The following PTPRK variants were observed in gnomAD, a reference collection of about 807,000 sequenced individuals.
PTPRK encodes the protein protein tyrosine phosphatase receptor type K.
A neutral mutation model predicts 178.0 loss-of-function variants in PTPRK; 75 were observed. That is an observed-to-expected ratio of 0.42 (90% CI 0.35 to 0.51). The LOEUF is 0.51. PTPRK is among the 20% of genes least tolerant of loss of function. The probability of loss-of-function intolerance (pLI) is 0.02; values close to 1 mark genes in which losing one functional copy is unlikely to be tolerated. For synonymous variants in PTPRK, 637 were observed against 620.6 expected, an observed-to-expected ratio of 1.03 and a Z score of -0.39; for missense variants, 1,441 against 1,797.8, an observed-to-expected ratio of 0.80 and a Z score of 3.59.
At chr6:128,046,950 A>G (rs1778124871) in intron 13 of PTPRK, among the ~76,000 whole-genome samples, 1 of 152,208 alleles carries the variant, frequency 6.6e-6, no homozygotes, top group Non-Finnish European at 1.5e-5. Context: ...TCACTTACAA[A>G]AGCATTTCAT....
intron 13 of PTPRK, among the ~76,000 whole-genome samples, chr6:128,054,601 A>G (rs1395810064): frequency 6.6e-6 from 1 of 152,226 alleles, no homozygotes; most frequent in Non-Finnish European, 1.5e-5. Context: ...GTCTGAATCC[A>G]AGGCTAATGC....
At chr6:128,128,947 A>C in intron 7 of PTPRK, among the ~76,000 whole-genome samples, 1 of 152,240 alleles carries the variant, frequency 6.6e-6, no homozygotes, top group East Asian at 1.9e-4. Context: ...CTGCAACAAG[A>C]ATTCTTTCTA....
chr6:128,113,148 C>T lies in PTPRK; in HGVS notation c.1163-23156G>A, dbSNP rs565114270. ...TCGCCTCCAGTTCTATCAGCCTTCC[C>T]TTTGTTTCTAATTACACCAGAAAAT... On this transcript the variant is annotated intron_variant, in intron 7 of 29. Coordinates refer to ENST00000368226, the MANE Select transcript of PTPRK (RefSeq NM_002844.4). 1.7e-3 allele frequency among the ~76,000 whole-genome samples: 265 copies of T among 152,112 alleles called. 2 individuals are homozygous for T. Among genetic ancestry groups the T allele is most frequent in the African/African-American group, 6.2e-3 (258 of 41,548 alleles).
intron 3 of PTPRK, among the ~76,000 whole-genome samples, chr6:128,248,955 G>A (rs1030794159): frequency 1.3e-5 from 2 of 152,144 alleles, no homozygotes; most frequent in Admixed American, 6.6e-5. Context: ...CTGTTAGTGT[G>A]AAACAGGATA....
rs758375183 is a variant in PTPRK, at chr6:128,519,123, G to C, written c.100+1136C>G. ...CACCGCGAACCCCAGCAGCAGATGC[G>C]CTCGCCAGCCAAGCGAAGCTGGGTA... On this transcript the variant is annotated intron_variant, in intron 1 of 29. Coordinates refer to ENST00000368226, the MANE Select transcript of PTPRK (RefSeq NM_002844.4). This position sits in a 1 kb window ranked among gnomAD's most constrained non-coding sequence, Gnocchi z 4.3. 1 of 526,560 alleles carries C rather than the reference G, an allele frequency of 1.9e-6. No homozygotes were observed. Among genetic ancestry groups the C allele is most frequent in the Admixed American group, 2.0e-5 (1 of 50,772 alleles). 32.6% of individuals were successfully genotyped at this position (526,560 alleles called of 1,614,324 possible). A position where few individuals can be genotyped will look rare whatever the true frequency, so the allele number is the denominator to read the frequency against.
chr6:128,204,569 CAAG>C (rs1423183986), intron 6 of PTPRK, among the ~76,000 whole-genome samples: 1 of 150,346 alleles, frequency 6.7e-6, no homozygotes, highest in Non-Finnish European at 1.5e-5. Context: ...AGCGAATTTA[CAAG>C]AAGAAAACAA....
At chr6:128,067,451 G>A (rs1397830908) in intron 12 of PTPRK, 68 bp downstream of exon 12, 3 of 1,398,438 alleles carry the variant, frequency 2.1e-6, no homozygotes, top group Non-Finnish European at 2.9e-6. Context: ...ATGCTACTGA[G>A]TATTCATAAA....
At chr6:128,304,856 A>AG (rs1826143263) in intron 3 of PTPRK, among the ~76,000 whole-genome samples, 1 of 152,170 alleles carries the variant, frequency 6.6e-6, no homozygotes, top group Non-Finnish European at 1.5e-5. Context: ...ACAAGAAACT[A>AG]TTTTTTTAAT....
rs377176766 is a variant in PTPRK at position 127,996,946 on chromosome 6, T to G, written c.2722A>C (p.Lys908Gln). Reference sequence around the variant, plus strand: ...CGGTTTTTTGCTCTATTTTGATCTTTTTTAGCTACATCCCAAGATGCTGAC... The same window carrying G: ...CGGTTTTTTGCTCTATTTTGATCTTGTTTAGCTACATCCCAAGATGCTGAC... ...GQSASWDVAK[K>Q]DQNRAKNRYG... The change falls in exon 17 of 30, where the codon AAA (lysine) becomes CAA (glutamine). Residue 908 changes from lysine (K) to glutamine (Q), a missense_variant. Around this residue, in one of 4 missense-constraint regions of PTPRK, gnomAD observed 945 missense variants for 1,080.6 expected, o/e 0.87. Transcript: ENST00000368226. 6.2e-7 allele frequency: 1 copy of G among 1,612,094 alleles called. No homozygotes were observed. Among genetic ancestry groups the G allele is most frequent in the East Asian group, 2.2e-5 (1 of 44,760 alleles).
intron 3 of PTPRK, among the ~76,000 whole-genome samples, chr6:128,246,680 C>A (rs190276232): frequency 3.7e-4 from 56 of 152,316 alleles, no homozygotes; most frequent in Non-Finnish European, 3.4e-4. Flanking sequence ...CAGGTCAGAT[C>A]TAATGCTTGA....
intron 1 of PTPRK, among the ~76,000 whole-genome samples, chr6:128,476,586 A>C (rs1490770360): frequency 3.3e-5 from 5 of 152,034 alleles, no homozygotes; most frequent in African/African-American, 1.2e-4. Flanking sequence ...GAGAATCATA[A>C]AGTCATTTTA....
At chr6:128,130,244 A>G (rs974785682) in intron 7 of PTPRK, among the ~76,000 whole-genome samples, 5 of 152,208 alleles carry the variant, frequency 3.3e-5, no homozygotes, top group Non-Finnish European at 5.9e-5. Flanking sequence ...TAGCTAGAAT[A>G]TCAAATCTAT....
intron 3 of PTPRK, among the ~76,000 whole-genome samples, chr6:128,315,303 T>C (rs561557605): frequency 3.9e-5 from 6 of 152,158 alleles, no homozygotes; most frequent in Non-Finnish European, 8.8e-5. Context: ...TATTGAATTA[T>C]TACTTGGTAT....
intron 7 of PTPRK, among the ~76,000 whole-genome samples, chr6:128,183,124 A>T (rs994454057): frequency 6.6e-6 from 1 of 152,166 alleles, no homozygotes; most frequent in Non-Finnish European, 1.5e-5. Flanking sequence ...TTTTCACATT[A>T]GCATGGGATA....
At chr6:127,988,174 T>C (rs1436638353) in intron 21 of PTPRK, among the ~76,000 whole-genome samples, 1 of 87,224 alleles carries the variant, frequency 1.1e-5, no homozygotes, top group African/African-American at 3.2e-5. Flanking sequence ...GCAATATGTG[T>C]GTGCATGGGG....
chr6:128,410,931 G>A (rs932987725), intron 1 of PTPRK, among the ~76,000 whole-genome samples: 3 of 152,022 alleles, frequency 2.0e-5, no homozygotes, highest in African/African-American at 7.3e-5. Flanking sequence ...TTGTTCTGTC[G>A]CCCAGACTGA....
chr6:128,161,903 A>G (rs1362811465), intron 7 of PTPRK, among the ~76,000 whole-genome samples: 1 of 151,612 alleles, frequency 6.6e-6, no homozygotes, highest in Non-Finnish European at 1.5e-5. Context: ...AACGTCCCTA[A>G]TTTCAACCAA....
At chr6:128,261,185 A>T (rs1460491877) in intron 3 of PTPRK, among the ~76,000 whole-genome samples, 1 of 152,126 alleles carries the variant, frequency 6.6e-6, no homozygotes, top group Non-Finnish European at 1.5e-5. Context: ...AAAACCCATC[A>T]ATTTTTGTTC....
intron 7 of PTPRK, among the ~76,000 whole-genome samples, chr6:128,174,895 C>T (rs1286327940): frequency 6.6e-6 from 1 of 151,690 alleles, no homozygotes; most frequent in Non-Finnish European, 1.5e-5. Flanking sequence ...TATTAACCTG[C>T]ATGTCTACCT....
Sources: gnomAD v4.1 joint callset for allele counts (sites outside exome capture counted in the v4.1 genomes callset) on GRCh38, gnomAD v4.1.1 for gene constraint, gnomAD v4.1.1 regional missense constraint, Gnocchi (gnomAD v3.1) non-coding constraint, MANE v1.5 for transcripts, NCBI Gene and HGNC (gene_info 2026-07-23, HGNC 2026-07-21) for gene names.